Variants in RCAN1 observed in about 807,000 individuals in gnomAD.
RCAN1 encodes regulator of calcineurin 1, also known as calcipressin-1.
RCAN1 carries 11 observed loss-of-function variants against 22.9 expected under a neutral mutation model. The ratio of observed to expected loss-of-function variants is 0.48; its 90% CI spans 0.30 to 0.79. The LOEUF is 0.79. RCAN1 is among the 30% of genes least tolerant of loss of function. RCAN1 has a pLI of 0.06. For synonymous variants in RCAN1, 136 were observed against 142.3 expected (o/e 0.96, Z 0.32); for missense variants, 291 against 337.8 (o/e 0.86, Z 1.09).
chr21:34,574,022 C>T (rs1010648382), intron 1 of RCAN1, among the ~76,000 whole-genome samples: 8 of 152,172 alleles, frequency 5.3e-5, no homozygotes, highest in Non-Finnish European at 8.8e-5. Context: ...GCTTAAGGAA[C>T]GCTACAAAAA....
chr21:34,528,922 C>T (rs1459989790), intron 1 of RCAN1, among the ~76,000 whole-genome samples: 6 of 151,002 alleles, frequency 4.0e-5, no homozygotes, highest in East Asian at 1.9e-4. Flanking sequence ...TGGGCTCACC[C>T]GAATATACAA....
At chr21:34,603,693 GA>G (rs1190236373) in intron 1 of RCAN1, among the ~76,000 whole-genome samples, 5 of 152,178 alleles carry the variant, frequency 3.3e-5, no homozygotes, top group Admixed American at 1.3e-4. Flanking sequence ...TATAAAGGGT[GA>G]AGAAGTCTCC....
chr21:34,608,299 G>A (rs1988590954), intron 1 of RCAN1, among the ~76,000 whole-genome samples: 1 of 152,148 alleles, frequency 6.6e-6, no homozygotes, highest in Admixed American at 6.5e-5. Context: ...ATGGCCCCCA[G>A]GGATCCCCAC....
intron 1 of RCAN1, among the ~76,000 whole-genome samples, chr21:34,591,631 T>C (rs992708150): frequency 2.0e-5 from 3 of 152,200 alleles, no homozygotes; most frequent in Non-Finnish European, 4.4e-5. Context: ...TAAGACTAAA[T>C]AGAGCTCACA....
At chr21:34,523,831 G>A in intron 1 of RCAN1, 121 bp from the exon 2 acceptor site, 2 of 757,916 alleles carry the variant, frequency 2.6e-6, no homozygotes, top group Non-Finnish European at 4.1e-6. Flanking sequence ...CACCCAGGCT[G>A]GAGTGCAGTG....
chr21:34,526,325 A>G (rs1985049902), intron 1 of RCAN1, among the ~76,000 whole-genome samples: 2 of 152,260 alleles, frequency 1.3e-5, no homozygotes, highest in African/African-American at 4.8e-5. Context: ...GCTGGCTACA[A>G]AAGTAAAACA....
intron 1 of RCAN1, among the ~76,000 whole-genome samples, chr21:34,543,090 G>A (rs922822250): frequency 1.3e-5 from 2 of 152,220 alleles, no homozygotes; most frequent in Admixed American, 6.5e-5. Context: ...ATTGAGGCTT[G>A]GTGCATAGGA....
chr21:34,607,497 C>T (rs1988565375), intron 1 of RCAN1, among the ~76,000 whole-genome samples: 1 of 151,930 alleles, frequency 6.6e-6, no homozygotes, highest in Non-Finnish European at 1.5e-5. Flanking sequence ...TCAAGCGATT[C>T]TCATGCCTCA....
intron 1 of RCAN1, among the ~76,000 whole-genome samples, chr21:34,605,905 G>A (rs1185858609): frequency 7.4e-6 from 1 of 134,588 alleles, no homozygotes; most frequent in Admixed American, 7.8e-5. Context: ...GGGCAACAGA[G>A]CAAGACTCGG....
chr21:34,520,823 A>G (rs1332468183), intron 3 of RCAN1, among the ~76,000 whole-genome samples: 3 of 152,170 alleles, frequency 2.0e-5, no homozygotes, highest in Middle Eastern at 3.2e-3. Flanking sequence ...TCACTCGATG[A>G]TCTCATCTAC....
At chr21:34,528,067 T>C (rs1985177051) in intron 1 of RCAN1, among the ~76,000 whole-genome samples, 1 of 152,180 alleles carries the variant, frequency 6.6e-6, no homozygotes, top group African/African-American at 2.4e-5. Context: ...CTTCTCACTC[T>C]CTCCAATTTT....
intron 1 of RCAN1, among the ~76,000 whole-genome samples, chr21:34,603,473 C>A (rs1372290591): frequency 6.6e-6 from 1 of 152,190 alleles, no homozygotes; most frequent in African/African-American, 2.4e-5. Flanking sequence ...CAGAGTAAAA[C>A]CAGCAGGCTG....
At chr21:34,601,628 C>A (rs1001605886) in intron 1 of RCAN1, among the ~76,000 whole-genome samples, 2 of 152,108 alleles carry the variant, frequency 1.3e-5, no homozygotes, top group Non-Finnish European at 2.9e-5. Context: ...ATCATCTTGG[C>A]TAACACGGTG....
chr21:34,557,127 T>C (rs58436749), intron 1 of RCAN1, among the ~76,000 whole-genome samples: 36,719 of 151,930 alleles, frequency 0.24, 5,160 homozygotes, highest in African/African-American at 0.39. Context: ...GCAGGAGAAT[T>C]TCTTGAACCC....
chr21:34,537,816 C>T (rs759323952), intron 1 of RCAN1, among the ~76,000 whole-genome samples: 3 of 149,394 alleles, frequency 2.0e-5, no homozygotes, highest in African/African-American at 7.6e-5. Flanking sequence ...CCCTCACTCC[C>T]ACATGGTAAT....
At chr21:34,592,621 C>T (rs763971860) in intron 1 of RCAN1, among the ~76,000 whole-genome samples, 18 of 152,252 alleles carry the variant, frequency 1.2e-4, no homozygotes, top group Admixed American at 7.8e-4. Context: ...CTTTACTCTA[C>T]GCCGGGACTC....
chr21:34,563,571 A>G (rs1305340513), intron 1 of RCAN1, among the ~76,000 whole-genome samples: 2 of 151,576 alleles, frequency 1.3e-5, no homozygotes, highest in African/African-American at 2.4e-5. Context: ...GCTGAAGTCC[A>G]TGGGGTAGGG....
At chr21:34,600,189 G>A (rs946900858) in intron 1 of RCAN1, among the ~76,000 whole-genome samples, 5 of 152,110 alleles carry the variant, frequency 3.3e-5, no homozygotes, top group Admixed American at 6.5e-5. Context: ...TAAGAATCGC[G>A]TTTTTAAAGG....
intron 1 of RCAN1, among the ~76,000 whole-genome samples, chr21:34,601,537 G>A (rs8134752): frequency 0.098 from 14,884 of 152,154 alleles, 771 homozygotes; most frequent in Middle Eastern, 0.11. Flanking sequence ...GTGAATGCTA[G>A]GCTGGGCACG....
Sources: allele counts gnomAD v4.1 joint callset (sites outside exome capture counted in the v4.1 genomes callset), GRCh38; gene constraint gnomAD v4.1.1; transcripts MANE v1.5; gene names NCBI Gene and HGNC (gene_info 2026-07-23, HGNC 2026-07-21).